Variants in POU2AF1 observed in about 807,000 individuals in gnomAD.
POU2AF1 encodes the protein POU domain class 2-associating factor 1.
Under a neutral mutation model 26.3 loss-of-function variants are expected in POU2AF1, and 12 were observed. That is an observed-to-expected ratio of 0.46 (90% CI 0.29 to 0.74). POU2AF1 has a LOEUF of 0.74. POU2AF1 is among the 30% of genes least tolerant of loss of function. The pLI is 0.09. For missense variants in POU2AF1, 297 were observed against 334.5 expected (o/e 0.89, Z 0.87); for synonymous variants, 175 against 148.0 (o/e 1.18, Z -1.32).
intron 1 of POU2AF1, among the ~76,000 whole-genome samples, chr11:111,360,344 C>T (rs1177621592): frequency 1.3e-5 from 2 of 152,190 alleles, no homozygotes; most frequent in African/African-American, 4.8e-5. Flanking sequence ...TGCAGCACTG[C>T]CCTGGTTGAA....
intron 2 of POU2AF1, 45 bp downstream of exon 2, chr11:111,358,743 C>T (rs1555074638): frequency 2.4e-5 from 36 of 1,525,046 alleles, no homozygotes; most frequent in African/African-American, 6.9e-5. Context: ...CACACATTCT[C>T]TTTCACACAC....
chr11:111,357,095 C>T (rs1860860782), intron 4 of POU2AF1, among the ~76,000 whole-genome samples: 1 of 152,230 alleles, frequency 6.6e-6, no homozygotes, highest in Non-Finnish European at 1.5e-5. Flanking sequence ...AGTTCCAACA[C>T]AAGACCCCAT....
At position 111,353,816 on chromosome 11, in the gene POU2AF1, G is replaced by C. The variant is rs967882048; in HGVS notation, c.*445C>G. On this transcript the variant is annotated 3_prime_UTR_variant, in exon 5 of 5. Transcript: ENST00000393067. The stretch of plus-strand genomic sequence containing the variant: ...GACTTGGCAACATTTGACATAAAAT[G>C]TTATTGCTAAAATCCCTATAATTAC... The C allele has an allele frequency of 3.7e-6, 1 of 268,034 alleles. No individual in the cohort carries two copies. Among genetic ancestry groups the C allele is most frequent in the Non-Finnish European group, 7.0e-6 (1 of 142,714 alleles). The allele number at this position is 268,034 out of a possible 1,614,324, so 16.6% of individuals were successfully genotyped here. A position where few individuals can be genotyped will look rare whatever the true frequency, so the allele number is the denominator to read the frequency against.
chr11:111,378,537 T>C (rs1333396373), intron 1 of POU2AF1, among the ~76,000 whole-genome samples: 1 of 152,112 alleles, frequency 6.6e-6, no homozygotes, highest in Non-Finnish European at 1.5e-5. Context: ...AGGCCAAAGA[T>C]AAACCCACTG....
chr11:111,363,955 G>A (rs45553037), intron 1 of POU2AF1: 29 of 985,186 alleles, frequency 2.9e-5, no homozygotes, highest in Non-Finnish European at 3.1e-5. Context: ...TCCTTTTTCG[G>A]GCTGAGAAGT....
chr11:111,363,152 T>C, intron 1 of POU2AF1: 2 of 1,011,908 alleles, frequency 2.0e-6, no homozygotes, highest in Non-Finnish European at 2.4e-6. Flanking sequence ...CAACAGACCA[T>C]ATGTGGGGCA....
intron 1 of POU2AF1, among the ~76,000 whole-genome samples, chr11:111,378,794 C>T (rs913727551): frequency 6.6e-6 from 1 of 152,220 alleles, no homozygotes; most frequent in Non-Finnish European, 1.5e-5. Context: ...TAAAGAACTG[C>T]ATGGCTTTTC....
chr11:111,361,678 A>G (rs893376502), intron 1 of POU2AF1, among the ~76,000 whole-genome samples: 24 of 152,296 alleles, frequency 1.6e-4, no homozygotes, highest in Admixed American at 4.6e-4. Context: ...ATGGTAACAC[A>G]TGCCATATTT....
rs1860746660 is a variant in POU2AF1 at position 111,352,613 on chromosome 11, A to G, written c.*1648T>C. 1.1e-5 allele frequency: 2 copies of G among 179,076 alleles called. No homozygotes were observed. Among genetic ancestry groups the G allele is most frequent in the Admixed American group, 1.3e-4 (2 of 15,892 alleles). The allele number at this position is 179,076 out of a possible 1,614,324, so 11.1% of individuals were successfully genotyped here. The stretch of plus-strand genomic sequence containing the variant: ...CCTTGGTTCCACAGAATGGTGGCTT[A>G]TGGACGCTTTTAAGACACTAAAGAA... On this transcript the variant is annotated 3_prime_UTR_variant, in exon 5 of 5. Transcript: ENST00000393067.
chr11:111,353,177 C>T lies in POU2AF1; in HGVS notation c.*1084G>A. The T allele has an allele frequency of 4.3e-6, 1 of 233,108 alleles. No homozygotes were observed. The allele number at this position is 233,108 out of a possible 1,614,324, so 14.4% of individuals were successfully genotyped here. A position where few individuals can be genotyped will look rare whatever the true frequency, so the allele number is the denominator to read the frequency against. The stretch of plus-strand genomic sequence containing the variant: ...CTAGAGGTGAGACAGAAATGGCCGA[C>T]CAAACACACCCTTCACCCTGTTTAC... On this transcript the variant is annotated 3_prime_UTR_variant, in exon 5 of 5. Coordinates refer to ENST00000393067, the MANE Select transcript of POU2AF1 (RefSeq NM_006235.3).
At chr11:111,362,724 G>A (rs1301547199) in intron 1 of POU2AF1, among the ~76,000 whole-genome samples, 3 of 152,164 alleles carry the variant, frequency 2.0e-5, no homozygotes, top group African/African-American at 7.2e-5. Flanking sequence ...ACAGTCTGAG[G>A]CATTGTGTAC....
chr11:111,353,024 A>C lies in POU2AF1; in HGVS notation c.*1237T>G, dbSNP rs1190166651. Reference sequence around the variant, plus strand: ...AAGGAAGGAAGGAAGGAAGGAAGGAAGGAAGGAAGGAAGGAAGGAAGGAAG... The same window carrying C: ...AAGGAAGGAAGGAAGGAAGGAAGGACGGAAGGAAGGAAGGAAGGAAGGAAG... On this transcript the variant is annotated 3_prime_UTR_variant, in exon 5 of 5. Transcript: ENST00000393067. 1.1e-5 allele frequency: 2 copies of C among 178,476 alleles called. No individual in the cohort carries two copies. Among genetic ancestry groups the C allele is most frequent in the Non-Finnish European group, 2.2e-5 (2 of 89,198 alleles). The allele number at this position is 178,476 out of a possible 1,614,324, so 11.1% of individuals were successfully genotyped here.
At chr11:111,379,090 C>G in intron 1 of POU2AF1, 72 bp downstream of exon 1, 1 of 1,591,492 alleles carries the variant, frequency 6.3e-7, no homozygotes, top group Non-Finnish European at 8.6e-7. Context: ...CTCCCCAATT[C>G]CAGACCAAGC....
intron 1 of POU2AF1, chr11:111,360,117 C>T (rs1860976955): frequency 2.0e-6 from 1 of 502,798 alleles, no homozygotes; most frequent in South Asian, 1.4e-5. Context: ...GGGAGAGCAA[C>T]TGAAAAGCAG....
chr11:111,354,641 C>A, intron 4 of POU2AF1, 66 bp from the exon 5 acceptor site: 2 of 1,343,698 alleles, frequency 1.5e-6, no homozygotes, highest in African/African-American at 2.9e-5. Context: ...CATCCTTGCC[C>A]TTAGAGGGGT....
intron 4 of POU2AF1, among the ~76,000 whole-genome samples, chr11:111,356,261 G>A (rs1860843977): frequency 6.6e-6 from 1 of 152,236 alleles, no homozygotes; most frequent in African/African-American, 2.4e-5. Flanking sequence ...CTCTGACATG[G>A]AAATGAGTTG....
intron 1 of POU2AF1, among the ~76,000 whole-genome samples, chr11:111,368,738 G>C (rs1861153113): frequency 6.6e-6 from 1 of 152,244 alleles, no homozygotes. Context: ...CTTATCACCT[G>C]TGTGACTCTT....
At chr11:111,372,160 C>A (rs1468346210) in intron 1 of POU2AF1, among the ~76,000 whole-genome samples, 5 of 151,920 alleles carry the variant, frequency 3.3e-5, no homozygotes, top group Admixed American at 3.3e-4. Flanking sequence ...GAGGCAGAAG[C>A]CTTGGCTCCC....
At chr11:111,358,300 A>T (rs1860895373) in intron 2 of POU2AF1, among the ~76,000 whole-genome samples, 1 of 150,304 alleles carries the variant, frequency 6.7e-6, no homozygotes, top group Non-Finnish European at 1.5e-5. Context: ...TCACACAAAC[A>T]CACACACTCT....
Sources: allele counts gnomAD v4.1 joint callset (sites outside exome capture counted in the v4.1 genomes callset), GRCh38; gene constraint gnomAD v4.1.1; transcripts MANE v1.5; gene names NCBI Gene and HGNC (gene_info 2026-07-23, HGNC 2026-07-21).